The following RIMS4 variants were observed in gnomAD, a reference collection of about 807,000 sequenced individuals.
The protein encoded by RIMS4 is regulating synaptic membrane exocytosis protein 4.
A neutral mutation model predicts 29.0 loss-of-function variants in RIMS4; 9 were observed. The observed-to-expected ratio is 0.31, with a 90% CI of 0.19 to 0.54. RIMS4 has a LOEUF of 0.54. RIMS4 is among the 20% of genes least tolerant of loss of function. RIMS4 has a pLI of 0.94. For synonymous variants in RIMS4, 130 were observed against 152.9 expected, an observed-to-expected ratio of 0.85 and a Z score of 1.10; for missense variants, 193 against 365.7, an observed-to-expected ratio of 0.53 and a Z score of 3.85.
intron 1 of RIMS4, among the ~76,000 whole-genome samples, chr20:44,787,972 T>C (rs1163916012): frequency 1.3e-5 from 2 of 152,210 alleles, no homozygotes; most frequent in Non-Finnish European, 2.9e-5. Flanking sequence ...TGTGAGGTGA[T>C]TATAATTAGG....
chr20:44,764,492 T>C (rs1195569331), intron 2 of RIMS4, among the ~76,000 whole-genome samples: 1 of 152,148 alleles, frequency 6.6e-6, no homozygotes, highest in Non-Finnish European at 1.5e-5. Context: ...AAAATGGCAT[T>C]TGACCTTGAA....
In RIMS4 at chr20:44,756,256, C is replaced by A; in HGVS notation, c.688G>T (p.Val230Leu). 3 of 1,613,998 alleles carry A rather than the reference C, an allele frequency of 1.9e-6. No homozygotes were observed. The highest frequency in any genetic ancestry group is 2.5e-6 in the Non-Finnish European group (3 of 1,179,954). Residue 230 changes from valine to leucine, a missense_variant, in exon 6 of 6, where the codon GTG (valine) becomes TTG (leucine). By Grantham distance (32) the Val-to-Leu change is conservative. Transcript: ENST00000372851. The surrounding 1 kb of genome is among the most constrained non-coding windows in gnomAD (Gnocchi z 5.9). ...LEELDLTTLA[V>L]GWYKLFPTSS... ...GTGGGGAAGAGCTTGTACCAGCCCA[C>A]GGCCAGGGTGGTCAAGTCCAGCTCC...
chr20:44,810,032 G>GT, intron 1 of RIMS4, 143 bp downstream of exon 1: 1 of 394,756 alleles, frequency 2.5e-6, no homozygotes, highest in Non-Finnish European at 5.0e-6. Context: ...AGACCCTGGG[G>GT]TCCCGTGGGT....
chr20:44,761,645 C>T (rs1275575830), intron 2 of RIMS4, among the ~76,000 whole-genome samples: 3 of 152,158 alleles, frequency 2.0e-5, no homozygotes, highest in African/African-American at 7.2e-5. Context: ...ATTAGCTCCC[C>T]TCCCTTCCCA....
At chr20:44,806,727 TA>T (rs1165433093) in intron 1 of RIMS4, among the ~76,000 whole-genome samples, 1 of 152,158 alleles carries the variant, frequency 6.6e-6, no homozygotes, top group African/African-American at 2.4e-5. Flanking sequence ...ACAAACAGCA[TA>T]ATGGTTGATT....
At chr20:44,774,481 C>T (rs2066151121) in intron 1 of RIMS4, among the ~76,000 whole-genome samples, 1 of 152,116 alleles carries the variant, frequency 6.6e-6, no homozygotes, top group African/African-American at 2.4e-5. Flanking sequence ...CTGGCTTAGC[C>T]TCCCAGCGTG....
intron 2 of RIMS4, 81 bp downstream of exon 2, chr20:44,771,194 C>CA: frequency 6.6e-7 from 1 of 1,510,636 alleles, no homozygotes; most frequent in East Asian, 2.4e-5. Context: ...CCCTAGGGCT[C>CA]CCAGAGGGGT....
chr20:44,769,938 T>A (rs1040140068), intron 2 of RIMS4, among the ~76,000 whole-genome samples: 16 of 152,248 alleles, frequency 1.1e-4, no homozygotes, highest in Non-Finnish European at 4.4e-5. Context: ...TCTATGATGA[T>A]GGAAATGTTC....
intron 1 of RIMS4, among the ~76,000 whole-genome samples, chr20:44,778,423 C>T (rs1476373361): frequency 6.6e-6 from 1 of 152,178 alleles, no homozygotes; most frequent in Non-Finnish European, 1.5e-5. Flanking sequence ...TGGCTGTAAT[C>T]CCAACACTTT....
At chr20:44,810,131 T>A (rs768191263) in intron 1 of RIMS4, 44 bp downstream of exon 1, 5 of 1,240,704 alleles carry the variant, frequency 4.0e-6, no homozygotes, top group Non-Finnish European at 3.4e-6. Context: ...CGGACCTGGA[T>A]CCCGGGACAC....
chr20:44,762,648 T>C (rs1482992760), intron 2 of RIMS4, among the ~76,000 whole-genome samples: 2 of 152,200 alleles, frequency 1.3e-5, no homozygotes, highest in Admixed American at 6.5e-5. Context: ...GGCTGCCTGA[T>C]TTCCTATCCC....
intron 1 of RIMS4, among the ~76,000 whole-genome samples, chr20:44,791,784 G>A (rs1159865607): frequency 6.6e-6 from 1 of 152,114 alleles, no homozygotes; most frequent in Admixed American, 6.5e-5. Context: ...AGGGGTGGAT[G>A]TTAAGTCCTG....
intron 1 of RIMS4, among the ~76,000 whole-genome samples, chr20:44,788,214 T>C (rs1386993136): frequency 2.6e-5 from 4 of 152,196 alleles, no homozygotes; most frequent in African/African-American, 7.2e-5. Flanking sequence ...GAGTAGCCAT[T>C]AGCCACATGT....
intron 2 of RIMS4, among the ~76,000 whole-genome samples, chr20:44,758,674 C>G (rs575036670): frequency 6.6e-6 from 1 of 152,324 alleles, no homozygotes; most frequent in South Asian, 2.1e-4. Context: ...GACTGGGCCT[C>G]CAGCTCAGCC....
At position 44,810,284 on chromosome 20, in the gene RIMS4, G is replaced by C. The variant is rs775536099; in HGVS notation, c.-13C>G. The stretch of plus-strand genomic sequence containing the variant: ...GCGAGCGCTCCATGCCCGCGCCGGC[G>C]CCGGGCGCCTCGGCCGCGGCGGCGG... On this transcript the variant is annotated 5_prime_UTR_variant, in exon 1 of 6. Transcript: ENST00000372851. The C allele has an allele frequency of 4.5e-6, 5 of 1,119,908 alleles. No homozygotes were observed. In the Admixed American group the frequency reaches 2.4e-4, roughly 54 times the overall value. 69.4% of individuals were successfully genotyped at this position (1,119,908 alleles called of 1,614,324 possible).
Position 44,789,538 on chromosome 20 carries a change from C to T in RIMS4, c.98-18125G>A, listed in dbSNP as rs182102265. Among the ~76,000 whole-genome samples the T allele has an allele frequency of 1.3e-3, 202 of 152,188 alleles. 1 individual carries two copies. Among genetic ancestry groups the T allele is most frequent in the African/African-American group, 4.7e-3 (195 of 41,520 alleles). On this transcript the variant is annotated intron_variant, in intron 1 of 5. Transcript: ENST00000372851. ...GTCTCAATCTCCTGGCCTCGTGATC[C>T]GCCCGTCATCACAATATGAGAATTT...
intron 1 of RIMS4, among the ~76,000 whole-genome samples, chr20:44,803,988 G>T (rs911700632): frequency 3.3e-5 from 5 of 152,206 alleles, no homozygotes; most frequent in Non-Finnish European, 5.9e-5. Flanking sequence ...CACAAGCACA[G>T]CCCCAGGAGC....
At chr20:44,789,391 A>C (rs1392747994) in intron 1 of RIMS4, among the ~76,000 whole-genome samples, 2 of 151,982 alleles carry the variant, frequency 1.3e-5, no homozygotes, top group Non-Finnish European at 2.9e-5. Flanking sequence ...TCCGCCTCCC[A>C]GTTCACACCA....
chr20:44,778,026 GC>G (rs1408192075), intron 1 of RIMS4, among the ~76,000 whole-genome samples: 3 of 152,186 alleles, frequency 2.0e-5, no homozygotes, highest in Non-Finnish European at 4.4e-5. Flanking sequence ...TCCATGGTCA[GC>G]CTCTCCCTGG....
Sources: allele counts gnomAD v4.1 joint callset (sites outside exome capture counted in the v4.1 genomes callset), GRCh38; gene constraint gnomAD v4.1.1; non-coding constraint Gnocchi (gnomAD v3.1); transcripts MANE v1.5; gene names NCBI Gene and HGNC (gene_info 2026-07-23, HGNC 2026-07-21).